Variants in PCDHGB2 observed in about 807,000 individuals in gnomAD.
The protein encoded by PCDHGB2 is protocadherin gamma subfamily B, 2, also known as protocadherin gamma-B2.
A neutral mutation model predicts 59.3 loss-of-function variants in PCDHGB2; 55 were observed. The ratio of observed to expected loss-of-function variants is 0.93; its 90% confidence interval spans 0.75 to 1.16. The LOEUF (loss-of-function observed/expected upper bound fraction) is 1.16, where lower values mean the gene tolerates loss of function less well. PCDHGB2 is among the 50% of genes most tolerant of loss of function. The pLI is 0.00. For synonymous variants in PCDHGB2, 516 were observed against 512.0 expected (o/e 1.01, Z -0.11); for missense variants, 1,228 against 1,198.5 (o/e 1.02, Z -0.36).
chr5:141,395,654 A>G (rs1462491005), intron 1 of PCDHGB2: 1 of 164,436 alleles, frequency 6.1e-6, no homozygotes, highest in Admixed American at 6.1e-5. Context: ...AGCTTAGCAA[A>G]AGTAAAATAT....
chr5:141,451,874 C>T (rs1264178631), intron 1 of PCDHGB2, among the ~76,000 whole-genome samples: 1 of 151,956 alleles, frequency 6.6e-6, no homozygotes, highest in Non-Finnish European at 1.5e-5. Context: ...GAATGAAACC[C>T]TGTCAAGAAA....
chr5:141,415,760 T>G (rs779762678), intron 1 of PCDHGB2: 355 of 1,388,296 alleles, frequency 2.6e-4, no homozygotes, highest in East Asian at 7.0e-4. Flanking sequence ...TTTTTTTTTT[T>G]TTTTTTTTTT....
chr5:141,389,374 G>C (rs192606668), intron 1 of PCDHGB2: 6 of 1,613,666 alleles, frequency 3.7e-6, no homozygotes, highest in Admixed American at 1.7e-5. Flanking sequence ...CTGGAGCAGC[G>C]GGAGCTGTCA....
Position 141,485,618 on chromosome 5 carries a change from G to A in PCDHGB2, c.2422-9189G>A, listed in dbSNP as rs2099616729. 2.5e-6 allele frequency: 4 copies of A among 1,612,092 alleles called. No individual in the cohort carries two copies. Among genetic ancestry groups the A allele is most frequent in the Non-Finnish European group, 3.4e-6 (4 of 1,178,672 alleles). On this transcript the variant is annotated intron_variant, in intron 1 of 3. Coordinates refer to ENST00000522605, the MANE Select transcript of PCDHGB2 (RefSeq NM_018923.3). This position sits in a 1 kb window ranked among gnomAD's most constrained non-coding sequence, Gnocchi z 5.7. The stretch of plus-strand genomic sequence containing the variant: ...GGAAATTGGGGAGGCAGCTCCTCCA[G>A]GACAGCGTTTCCCGTTGGAAAAGGC...
intron 1 of PCDHGB2, chr5:141,384,456 C>A (rs145938509): frequency 6.2e-7 from 1 of 1,614,054 alleles, no homozygotes; most frequent in East Asian, 2.2e-5. Flanking sequence ...CGCTGCAATC[C>A]TTTGATTATG....
In PCDHGB2 at chr5:141,370,866, C is replaced by A. The variant is rs770980502; in HGVS notation, c.2421+8310C>A. On this transcript the variant is annotated intron_variant, in intron 1 of 3. Transcript: ENST00000522605. ...AGCCACATTTGCCCTGGAATCTGCG[C>A]AAGATCCTGATGTAGGTGTCAATTC... 14 of 1,614,050 alleles carry A rather than the reference C, an allele frequency of 8.7e-6. No homozygotes were observed. In the Admixed American group the frequency reaches 2.3e-4, roughly 27 times the overall value.
rs373728953 is a variant in PCDHGB2 at position 141,491,753 on chromosome 5, C to A, written c.2422-3054C>A. The A allele has an allele frequency of 6.3e-7, 1 of 1,585,146 alleles. No homozygotes were observed. The highest frequency in any genetic ancestry group is 8.6e-7 in the Non-Finnish European group (1 of 1,166,912). On this transcript the variant is annotated intron_variant, in intron 1 of 3. Transcript: ENST00000522605. This position sits in a 1 kb window ranked among gnomAD's most constrained non-coding sequence, Gnocchi z 6.9. The stretch of plus-strand genomic sequence containing the variant: ...ACCCCTGGGGGCGGCACTGGAGAAG[C>A]CGCCCGTCCTCATAAGGGATTGAAC...
chr5:141,376,169 G>C (rs779538880), intron 1 of PCDHGB2: 1 of 1,614,106 alleles, frequency 6.2e-7, no homozygotes, highest in South Asian at 1.1e-5. Flanking sequence ...CCTGGTGGTG[G>C]CGGTGGCCGC....
intron 1 of PCDHGB2, among the ~76,000 whole-genome samples, chr5:141,453,850 CT>C (rs1465668273): frequency 1.3e-5 from 2 of 152,148 alleles, no homozygotes; most frequent in Non-Finnish European, 2.9e-5. Context: ...CCACAGAGCA[CT>C]TTGAAAATAA....
intron 1 of PCDHGB2, chr5:141,374,747 C>A (rs764039295): frequency 1.9e-6 from 3 of 1,612,140 alleles, no homozygotes; most frequent in Non-Finnish European, 2.5e-6. Context: ...CGACCCTGTC[C>A]GCTCAAGCGT....
Position 141,485,920 on chromosome 5 carries a change from T to C in PCDHGB2, c.2422-8887T>C, listed in dbSNP as rs1374948804. ...CCTTCCAGCAATCCAGCTACAGGAT[T>C]AGTGTGTTGGAGAGCGCACCAGCGG... On this transcript the variant is annotated intron_variant, in intron 1 of 3. Transcript: ENST00000522605. This position sits in a 1 kb window ranked among gnomAD's most constrained non-coding sequence, Gnocchi z 5.7. 1.2e-6 allele frequency: 2 copies of C among 1,614,038 alleles called. No individual in the cohort carries two copies. Among genetic ancestry groups the C allele is most frequent in the Non-Finnish European group, 1.7e-6 (2 of 1,180,010 alleles).
Position 141,432,123 on chromosome 5 carries a change from C to T in PCDHGB2, c.2422-62684C>T. 6.2e-7 allele frequency: 1 copy of T among 1,614,172 alleles called. No homozygotes were observed. The highest frequency in any genetic ancestry group is 8.5e-7 in the Non-Finnish European group (1 of 1,180,042). ...GACAACCCGCCGGTCTTCCCTCAGGCCTCCTATTCCGCTTATATCCCAGAG... is the reference window on the plus strand; with the variant it reads ...GACAACCCGCCGGTCTTCCCTCAGGTCTCCTATTCCGCTTATATCCCAGAG... On this transcript the variant is annotated intron_variant, in intron 1 of 3. Coordinates refer to ENST00000522605, the MANE Select transcript of PCDHGB2 (RefSeq NM_018923.3). The surrounding 1 kb of genome is among the most constrained non-coding windows in gnomAD (Gnocchi z 6.0).
At position 141,432,880 on chromosome 5, in the gene PCDHGB2, C is replaced by A. The variant is rs865848752; in HGVS notation, c.2422-61927C>A. 3 of 1,614,194 alleles carry A rather than the reference C, an allele frequency of 1.9e-6. No homozygotes were observed. The highest frequency in any genetic ancestry group is 2.5e-6 in the Non-Finnish European group (3 of 1,180,008). ...CGGTCTCCTGCGTCTTCCTGGCCTT[C>A]GTCATCTTGCTGCTGGCGCTCAGGC... On this transcript the variant is annotated intron_variant, in intron 1 of 3. Coordinates refer to ENST00000522605, the MANE Select transcript of PCDHGB2 (RefSeq NM_018923.3). The surrounding 1 kb of genome is among the most constrained non-coding windows in gnomAD (Gnocchi z 6.0).
chr5:141,470,054 C>T (rs895181664), intron 1 of PCDHGB2, among the ~76,000 whole-genome samples: 2 of 152,118 alleles, frequency 1.3e-5, no homozygotes, highest in African/African-American at 4.8e-5. Flanking sequence ...GTTTGAACCC[C>T]GGAGGCAGAG....
intron 1 of PCDHGB2, chr5:141,423,619 T>A (rs1389600826): frequency 1.2e-6 from 2 of 1,608,208 alleles, no homozygotes; most frequent in Non-Finnish European, 1.7e-6. Context: ...AGCTGAAGAC[T>A]CAGCTATCAT....
At chr5:141,421,455 C>T (rs762490406) in intron 1 of PCDHGB2, 7 of 1,614,108 alleles carry the variant, frequency 4.3e-6, no homozygotes, top group Non-Finnish European at 4.2e-6. Flanking sequence ...CACAGCTTTT[C>T]GCTGTGAATC....
chr5:141,374,273 G>A, intron 1 of PCDHGB2: 1 of 1,614,012 alleles, frequency 6.2e-7, no homozygotes, highest in South Asian at 1.1e-5. Flanking sequence ...GGAGCACGGA[G>A]TCCGCATCGT....
intron 1 of PCDHGB2, chr5:141,374,688 G>C (rs750510871): frequency 1.9e-6 from 3 of 1,609,410 alleles, no homozygotes; most frequent in Admixed American, 1.7e-5. Flanking sequence ...ACACTGGACC[G>C]GGAAGGAGAA....
chr5:141,455,725 C>T (rs1001661569), intron 1 of PCDHGB2, among the ~76,000 whole-genome samples: 4 of 152,136 alleles, frequency 2.6e-5, no homozygotes, highest in South Asian at 2.1e-4. Context: ...TAATGGCCTG[C>T]ATTTGCATAT....
Sources: allele counts gnomAD v4.1 joint callset (sites outside exome capture counted in the v4.1 genomes callset), GRCh38; gene constraint gnomAD v4.1.1; non-coding constraint Gnocchi (gnomAD v3.1); transcripts MANE v1.5; gene names NCBI Gene and HGNC (gene_info 2026-07-23, HGNC 2026-07-21).